The following MYT1L variants were observed in gnomAD, a reference collection of about 807,000 sequenced individuals.
MYT1L encodes myelin transcription factor 1 like.
Under a neutral mutation model 126.7 loss-of-function variants are expected in MYT1L, and 12 were observed. The observed-to-expected ratio is 0.09, with a 90% CI of 0.06 to 0.15. The LOEUF (loss-of-function observed/expected upper bound fraction) is 0.15. Among genes scored for constraint, MYT1L ranks in the 10% least tolerant of loss-of-function variants. The pLI, the probability that MYT1L is intolerant of heterozygous loss-of-function variation, is 1.00. For missense variants in MYT1L, 979 were observed against 1,585.2 expected, an observed-to-expected ratio of 0.62 and a Z score of 6.49; for synonymous variants, 541 against 604.2, an observed-to-expected ratio of 0.90 and a Z score of 1.53.
chr2:2,249,724 C>A (rs933577976), intron 2 of MYT1L, among the ~76,000 whole-genome samples: 2 of 152,024 alleles, frequency 1.3e-5, no homozygotes, highest in Non-Finnish European at 2.9e-5. Context: ...AAACAATCAA[C>A]AAAGTGAAGA....
intron 21 of MYT1L, among the ~76,000 whole-genome samples, chr2:1,831,897 C>CT (rs1175333120): frequency 3.9e-5 from 6 of 152,104 alleles, no homozygotes; most frequent in Admixed American, 2.6e-4. Flanking sequence ...CAAGTGTGAC[C>CT]TGAGTGCTGC....
chr2:2,135,313 ACT>A (rs907039440), intron 3 of MYT1L, among the ~76,000 whole-genome samples: 2 of 151,352 alleles, frequency 1.3e-5, no homozygotes, highest in Admixed American at 6.6e-5. Context: ...TTCCCTGCAC[ACT>A]CTCTCTCTTT....
intron 22 of MYT1L, among the ~76,000 whole-genome samples, chr2:1,802,241 A>G (rs2034986178): frequency 6.6e-6 from 1 of 152,130 alleles, no homozygotes; most frequent in African/African-American, 2.4e-5. Flanking sequence ...AGGTACGTTC[A>G]CCAACAAGGC....
chr2:1,889,290 G>A lies in MYT1L; in HGVS notation c.2471C>T (p.Thr824Ile), dbSNP rs1193978702. ...GDCWDLPVDY[T>I]KMKPRRIDED... ...GTCTATCCTCCGGGGTTTCATTTTG[G>A]TGTAGTCTACGGGCAAGTCCCAGCA... Residue 824 changes from threonine (T) to isoleucine (I), a missense_variant, in exon 16 of 25, where the codon ACC (threonine) becomes ATC (isoleucine). Coordinates refer to ENST00000647738, the MANE Select transcript of MYT1L (RefSeq NM_001303052.2). The surrounding 1 kb of genome is among the most constrained non-coding windows in gnomAD (Gnocchi z 4.1). The A allele has an allele frequency of 1.2e-6, 2 of 1,613,910 alleles. No individual in the cohort carries two copies.
chr2:2,295,575 G>C (rs151228990), intron 1 of MYT1L, among the ~76,000 whole-genome samples: 4 of 139,560 alleles, frequency 2.9e-5, no homozygotes, highest in African/African-American at 1.1e-4. Flanking sequence ...CAGAGAGAGA[G>C]AGAGAGAGAC....
chr2:1,979,227 G>A lies in MYT1L; in HGVS notation c.90C>T (p.Ser30=). Residue 30 remains serine, a splice_region_variant and synonymous_variant, in exon 8 of 25, where the codon AGC becomes AGT. Transcript: ENST00000647738. The surrounding 1 kb of genome is among the most constrained non-coding windows in gnomAD (Gnocchi z 4.0). ...TGCCGTCACAGCCAGGGGTGGGACA[G>A]CTGCAACAGGAAAGAATGGATTACA... ...PVEPAIQELF[S]CPTPGCDGSG... The A allele has an allele frequency of 6.2e-7, 1 of 1,613,718 alleles. No individual in the cohort carries two copies. Among genetic ancestry groups the A allele is most frequent in the Non-Finnish European group, 8.5e-7 (1 of 1,179,710 alleles).
At chr2:2,098,193 T>G (rs372725151) in intron 3 of MYT1L, among the ~76,000 whole-genome samples, 2 of 152,084 alleles carry the variant, frequency 1.3e-5, no homozygotes, top group South Asian at 4.2e-4. Context: ...ACAGTGTAGA[T>G]CATACTGCAG....
chr2:2,205,040 CT>C (rs1318561296), intron 2 of MYT1L, among the ~76,000 whole-genome samples: 4 of 147,778 alleles, frequency 2.7e-5, no homozygotes, highest in Non-Finnish European at 4.4e-5. Flanking sequence ...CATGTTCTCA[CT>C]CACAGGTGGG....
chr2:1,951,871 G>A (rs1328050904), intron 8 of MYT1L, among the ~76,000 whole-genome samples: 1 of 152,048 alleles, frequency 6.6e-6, no homozygotes. Context: ...ACTCTTATAC[G>A]TTTCTAGAAT....
chr2:1,792,297 T>C (rs754753972), intron 24 of MYT1L, 24 bp downstream of exon 24: 4 of 1,583,302 alleles, frequency 2.5e-6, no homozygotes, highest in East Asian at 2.3e-5. Flanking sequence ...TCCACATTCC[T>C]GCCTTGCGTG....
intron 2 of MYT1L, among the ~76,000 whole-genome samples, chr2:2,261,477 G>A (rs1025213432): frequency 6.6e-6 from 1 of 152,164 alleles, no homozygotes; most frequent in African/African-American, 2.4e-5. Flanking sequence ...GATAGCCACA[G>A]CATTAGTCCT....
At chr2:2,260,038 C>G (rs551297407) in intron 2 of MYT1L, among the ~76,000 whole-genome samples, 14 of 152,196 alleles carry the variant, frequency 9.2e-5, no homozygotes, top group Non-Finnish European at 1.9e-4. Context: ...CACGTCTTGA[C>G]ATTAGCGTGG....
At chr2:2,298,153 C>T (rs2095725899) in intron 1 of MYT1L, among the ~76,000 whole-genome samples, 1 of 152,144 alleles carries the variant, frequency 6.6e-6, no homozygotes, top group Non-Finnish European at 1.5e-5. Context: ...CTGAAATAAA[C>T]ACAGAAACAC....
rs770621185 is a variant in MYT1L, at chr2:1,910,297, T to C, written c.1760A>G (p.Glu587Gly). The C allele has an allele frequency of 1.1e-5, 17 of 1,613,184 alleles. No homozygotes were observed. Among genetic ancestry groups the C allele is most frequent in the Non-Finnish European group, 1.4e-5 (17 of 1,179,882 alleles). ...GGACACGTCGCAGCTCTGGTGCTTTTCCTGTGCCTTGGCCAGTTTCTCTGC... is the reference window on the plus strand; with the variant it reads ...GGACACGTCGCAGCTCTGGTGCTTTCCCTGTGCCTTGGCCAGTTTCTCTGC... ...AAAEKLAKAQ[E>G]KHQSCDVSKS... Residue 587 changes from glutamate (E) to glycine (G), a missense_variant, in exon 13 of 25, where the codon GAA becomes GGA. Glu to Gly is a moderately conservative substitution (Grantham distance 98). Coordinates refer to ENST00000647738, the MANE Select transcript of MYT1L (RefSeq NM_001303052.2). This position sits in a 1 kb window ranked among gnomAD's most constrained non-coding sequence, Gnocchi z 4.8.
At chr2:1,830,848 G>A (rs2040063321) in intron 21 of MYT1L, among the ~76,000 whole-genome samples, 1 of 152,142 alleles carries the variant, frequency 6.6e-6, no homozygotes, top group East Asian at 1.9e-4. Context: ...CTCCCTCACA[G>A]GATCCTCCAA....
At chr2:2,095,464 C>T (rs1456516063) in intron 3 of MYT1L, among the ~76,000 whole-genome samples, 1 of 152,186 alleles carries the variant, frequency 6.6e-6, no homozygotes, top group Non-Finnish European at 1.5e-5. Flanking sequence ...TAAGCGTATG[C>T]TATCCGACAA....
At chr2:2,048,990 ATTTATT>A (rs1200164188) in intron 4 of MYT1L, among the ~76,000 whole-genome samples, 1 of 152,182 alleles carries the variant, frequency 6.6e-6, no homozygotes, top group African/African-American at 2.4e-5. Context: ...AAACAATTTT[ATTTATT>A]TTTAACTATC....
chr2:2,267,285 A>G (rs543608144), intron 2 of MYT1L, among the ~76,000 whole-genome samples: 1 of 152,320 alleles, frequency 6.6e-6, no homozygotes, highest in African/African-American at 2.4e-5. Flanking sequence ...CCTTACCCTC[A>G]CAGGAAGCTC....
Position 2,118,997 on chromosome 2 carries a change from C to T in MYT1L, c.-304+53875G>A, listed in dbSNP as rs74636298. 4.0e-3 allele frequency among the ~76,000 whole-genome samples: 610 copies of T among 152,382 alleles called. 2 individuals are homozygous for T. Among genetic ancestry groups the T allele is most frequent in the African/African-American group, 0.014 (590 of 41,596 alleles). ...GCATGGTTGCTTCCAGTTTTCCTGC[C>T]ACCATATTCATTAGGTTAAATATTC... On this transcript the variant is annotated intron_variant, in intron 3 of 24. Transcript: ENST00000647738.
Sources: gnomAD v4.1 joint callset for allele counts (sites outside exome capture counted in the v4.1 genomes callset) on GRCh38, gnomAD v4.1.1 for gene constraint, Gnocchi (gnomAD v3.1) non-coding constraint, MANE v1.5 for transcripts, NCBI Gene and HGNC (gene_info 2026-07-23, HGNC 2026-07-21) for gene names.